The following CDH22 variants were observed in gnomAD, a reference collection of about 807,000 sequenced individuals.
CDH22 encodes cadherin-22.
Under a neutral mutation model 58.4 loss-of-function variants are expected in CDH22, and 30 were observed. The observed-to-expected ratio is 0.51, with a 90% CI of 0.38 to 0.70. CDH22 has a LOEUF of 0.70. CDH22 is among the 30% of genes least tolerant of loss of function. The pLI is 0.00. For synonymous variants in CDH22, 513 were observed against 558.2 expected, an observed-to-expected ratio of 0.92 and a Z score of 1.14; for missense variants, 1,014 against 1,233.9, an observed-to-expected ratio of 0.82 and a Z score of 2.67.
intron 8 of CDH22, 86 bp from the exon 9 acceptor site, chr20:46,187,033 C>G (rs1456595052): frequency 7.4e-7 from 1 of 1,358,736 alleles, no homozygotes; most frequent in Non-Finnish European, 9.9e-7. Flanking sequence ...CAATAGTAGG[C>G]AGTGGGGTCA....
chr20:46,282,808 A>G (rs1008227146), intron 1 of CDH22, among the ~76,000 whole-genome samples: 1 of 152,116 alleles, frequency 6.6e-6, no homozygotes, highest in Non-Finnish European at 1.5e-5. Context: ...GCAGGCCTGG[A>G]CGCTGGAACC....
intron 1 of CDH22, among the ~76,000 whole-genome samples, chr20:46,292,506 T>G (rs1187919962): frequency 6.6e-6 from 1 of 152,196 alleles, no homozygotes; most frequent in African/African-American, 2.4e-5. Flanking sequence ...GCAGTTTGGA[T>G]TAGAGAATCG....
In CDH22 at chr20:46,174,330, C is replaced by T. The variant is rs2085718107; in HGVS notation, c.*176G>A. 1.9e-6 allele frequency: 1 copy of T among 538,544 alleles called. No individual in the cohort carries two copies. The highest frequency in any genetic ancestry group is 3.2e-6 in the Non-Finnish European group (1 of 312,104). The allele number at this position is 538,544 out of a possible 1,614,324, so 33.4% of individuals were successfully genotyped here. ...CGCACCTCTGGGCTCCAAAGCTGCA[C>T]CCCTAGAGGAGGAGGAATGGAAGAG... On this transcript the variant is annotated 3_prime_UTR_variant, in exon 12 of 12. Coordinates refer to ENST00000537909, the MANE Select transcript of CDH22 (RefSeq NM_021248.3). This position sits in a 1 kb window ranked among gnomAD's most constrained non-coding sequence, Gnocchi z 4.4.
Position 46,300,568 on chromosome 20 carries a change from C to T in CDH22, c.-400+7687G>A, listed in dbSNP as rs142579163. On this transcript the variant is annotated intron_variant, in intron 1 of 11. Coordinates refer to ENST00000537909, the MANE Select transcript of CDH22 (RefSeq NM_021248.3). The surrounding 1 kb of genome is among the most constrained non-coding windows in gnomAD (Gnocchi z 4.4). The stretch of plus-strand genomic sequence containing the variant: ...CCCCTCCCCTACTCTGCAAGCACTA[C>T]GGTGACAACAAAGAATATGGGGCGG... 5.6e-3 allele frequency among the ~76,000 whole-genome samples: 852 copies of T among 152,330 alleles called. 9 individuals carry two copies. The highest frequency in any genetic ancestry group is 0.018 in the African/African-American group (763 of 41,568).
intron 2 of CDH22, among the ~76,000 whole-genome samples, chr20:46,242,611 C>T (rs931098975): frequency 1.3e-5 from 2 of 152,190 alleles, no homozygotes; most frequent in Admixed American, 6.5e-5. Flanking sequence ...CAGCAGGATC[C>T]CTGCTGGGCC....
intron 7 of CDH22, among the ~76,000 whole-genome samples, chr20:46,203,572 A>G (rs954775776): frequency 6.6e-6 from 1 of 152,228 alleles, no homozygotes. Context: ...TTTAATTCCC[A>G]GCAAAATAGA....
chr20:46,205,778 C>T (rs942012213), intron 7 of CDH22, among the ~76,000 whole-genome samples: 13 of 152,136 alleles, frequency 8.5e-5, no homozygotes, highest in African/African-American at 1.4e-4. Context: ...CAATGTCCTT[C>T]GCAGCCTGTC....
intron 10 of CDH22, 103 bp from the exon 11 acceptor site, chr20:46,178,300 C>T (rs531683968): frequency 3.9e-6 from 5 of 1,281,910 alleles, no homozygotes; most frequent in African/African-American, 2.9e-5. Flanking sequence ...CCCTATGCCC[C>T]AAACTACAGC....
chr20:46,201,668 C>A (rs1436262061), intron 7 of CDH22, among the ~76,000 whole-genome samples: 1 of 152,154 alleles, frequency 6.6e-6, no homozygotes, highest in East Asian at 1.9e-4. Context: ...ATGCCTATGG[C>A]AAACTATAAA....
intron 1 of CDH22, among the ~76,000 whole-genome samples, chr20:46,267,073 T>C (rs2086464339): frequency 6.6e-6 from 1 of 152,168 alleles, no homozygotes; most frequent in Non-Finnish European, 1.5e-5. Context: ...ATCTGTTTTA[T>C]TATAATTGTT....
intron 8 of CDH22, among the ~76,000 whole-genome samples, chr20:46,192,923 C>G (rs77129655): frequency 3.9e-5 from 6 of 152,046 alleles, no homozygotes; most frequent in Admixed American, 1.3e-4. Flanking sequence ...ATGCCCCCCC[C>G]CAGTGGGAGC....
At position 46,251,333 on chromosome 20, in the gene CDH22, G is replaced by C; in HGVS notation, c.-39C>G. ...GGGGCTGGGGCCCAGGAGCATGGAC[G>C]AGAGGCACCAGGGCGCCGCTGCTTG... On this transcript the variant is annotated 5_prime_UTR_variant, in exon 2 of 12. Coordinates refer to ENST00000537909, the MANE Select transcript of CDH22 (RefSeq NM_021248.3). This position sits in a 1 kb window ranked among gnomAD's most constrained non-coding sequence, Gnocchi z 6.7. The C allele has an allele frequency of 1.4e-6, 2 of 1,417,818 alleles. No individual in the cohort carries two copies. Among genetic ancestry groups the C allele is most frequent in the South Asian group, 1.5e-5 (1 of 67,720 alleles). The allele number at this position is 1,417,818 out of a possible 1,614,324, so 87.8% of individuals were successfully genotyped here.
chr20:46,208,001 C>T (rs961009912), intron 7 of CDH22, among the ~76,000 whole-genome samples: 6 of 152,232 alleles, frequency 3.9e-5, no homozygotes, highest in African/African-American at 9.7e-5. Context: ...TAGAGCCATT[C>T]AGACAGACAA....
At chr20:46,207,315 G>C (rs2086008340) in intron 7 of CDH22, among the ~76,000 whole-genome samples, 1 of 152,222 alleles carries the variant, frequency 6.6e-6, no homozygotes, top group Non-Finnish European at 1.5e-5. Context: ...GGGGTGTGGA[G>C]AGTGGAATTG....
rs1272375728 is a variant in CDH22 at position 46,227,490 on chromosome 20, C to T, written c.670+18G>A. 1 of 1,027,262 alleles carries T rather than the reference C, an allele frequency of 9.7e-7. No homozygotes were observed. The highest frequency in any genetic ancestry group is 3.1e-4 in the Middle Eastern group (1 of 3,246). 63.6% of individuals were successfully genotyped at this position (1,027,262 alleles called of 1,614,324 possible). A position where few individuals can be genotyped will look rare whatever the true frequency, so the allele number is the denominator to read the frequency against. On this transcript the variant is annotated intron_variant, in intron 4 of 11. Transcript: ENST00000537909. Reference sequence around the variant, plus strand: ...CCCCGCCCCACGGCTCCGCCTCTGGCCCCGCCCTGCCCCTCACCGGTCTTG... The same window carrying T: ...CCCCGCCCCACGGCTCCGCCTCTGGTCCCGCCCTGCCCCTCACCGGTCTTG...
At chr20:46,245,826 AT>A (rs1313148614) in intron 2 of CDH22, among the ~76,000 whole-genome samples, 2 of 152,126 alleles carry the variant, frequency 1.3e-5, no homozygotes, top group African/African-American at 4.8e-5. Context: ...TTGATGTCTC[AT>A]CTTGTGCATC....
At position 46,186,603 on chromosome 20, in the gene CDH22, G is replaced by C; in HGVS notation, c.1648C>G (p.Leu550Val). The C allele has an allele frequency of 6.2e-7, 1 of 1,611,508 alleles. No individual in the cohort carries two copies. Among genetic ancestry groups the C allele is most frequent in the Non-Finnish European group, 8.5e-7 (1 of 1,179,190 alleles). ...PEAPSNPHFSLLDIQDNTAAV... is the reference protein window; with the variant it reads ...PEAPSNPHFSVLDIQDNTAAV... ...GGAGGCTCACCTTGGATGTCAAGCA[G>C]AGAGAAATGAGGGTTGCTGGGAGCT... Residue 550 changes from leucine (L) to valine (V), a missense_variant, in exon 10 of 12, where the codon CTG (leucine) becomes GTG (valine). Physicochemically the swap from Leu to Val is conservative, Grantham distance 32. Coordinates refer to ENST00000537909, the MANE Select transcript of CDH22 (RefSeq NM_021248.3).
chr20:46,195,580 G>A (rs916576188), intron 8 of CDH22, among the ~76,000 whole-genome samples: 1 of 150,874 alleles, frequency 6.6e-6, no homozygotes, highest in African/African-American at 2.4e-5. Context: ...TGGCACTCCC[G>A]CCTCCCAGTG....
chr20:46,190,670 T>G (rs2085856801), intron 8 of CDH22, among the ~76,000 whole-genome samples: 1 of 152,270 alleles, frequency 6.6e-6, no homozygotes, highest in African/African-American at 2.4e-5. Context: ...AACTAATTGA[T>G]GCAGCCTTGA....
Sources: gnomAD v4.1 joint callset for allele counts (sites outside exome capture counted in the v4.1 genomes callset) on GRCh38, gnomAD v4.1.1 for gene constraint, Gnocchi (gnomAD v3.1) non-coding constraint, MANE v1.5 for transcripts, NCBI Gene and HGNC (gene_info 2026-07-23, HGNC 2026-07-21) for gene names.